UTY: variants seen among roughly 807,000 people sequenced by gnomAD.
UTY encodes the protein ubiquitously transcribed tetratricopeptide repeat containing, Y-linked.
In UTY, 12 loss-of-function variants were observed where a neutral mutation model predicts 32.5. The observed-to-expected ratio is 0.37, with a 90% CI of 0.24 to 0.60. The LOEUF (loss-of-function observed/expected upper bound fraction) is 0.60. Ranked by LOEUF, UTY falls within the 20% of genes least tolerant of loss-of-function variation. The probability of loss-of-function intolerance (pLI) is 0.69; values close to 1 mark genes in which losing one functional copy is unlikely to be tolerated. For synonymous variants in UTY, 131 were observed against 103.4 expected (o/e 1.27, Z -1.62); for missense variants, 303 against 299.2 (o/e 1.01, Z -0.09).
intron 28 of UTY, among the ~76,000 whole-genome samples, chrY:13,254,546 T>G: frequency 3.1e-5 from 1 of 32,771 alleles, no homozygotes; most frequent in Non-Finnish European, 7.5e-5. Context: ...GGCCATTCCC[T>G]TACCCCCATA....
At chrY:13,400,475 C>T (rs2068838501) in intron 6 of UTY, among the ~76,000 whole-genome samples, 20 of 33,132 alleles carry the variant, frequency 6.0e-4, no homozygotes, top group Non-Finnish European at 1.2e-3. Flanking sequence ...AAACTAACTT[C>T]CTTTCTATGG....
At chrY:13,272,388 T>C (rs2056363880) in intron 27 of UTY, among the ~76,000 whole-genome samples, 1 of 33,755 alleles carries the variant, frequency 3.0e-5, no homozygotes, top group Non-Finnish European at 7.3e-5. Flanking sequence ...GCTAGAATTA[T>C]AGAAGTTTAG....
chrY:13,244,114 T>A (rs1008169476), downstream of UTY, among the ~76,000 whole-genome samples: 3 of 32,625 alleles, frequency 9.2e-5, no homozygotes, highest in South Asian at 2.1e-3. Flanking sequence ...GGCCCAAGTA[T>A]ATTATGTTAA....
intron 3 of UTY, among the ~76,000 whole-genome samples, chrY:13,467,627 G>C: frequency 3.1e-5 from 1 of 31,923 alleles, no homozygotes; most frequent in Non-Finnish European, 7.6e-5. Flanking sequence ...AAATTAGCTG[G>C]GAGTGGTGGC....
At chrY:13,471,651 C>T (rs2078505672) in intron 2 of UTY, among the ~76,000 whole-genome samples, 2 of 32,560 alleles carry the variant, frequency 6.1e-5, no homozygotes, top group African/African-American at 1.2e-4. Context: ...GGTGAAACCC[C>T]GTGCCTACTA....
Position 13,411,056 on chromosome Y carries a change from C to T in UTY, c.492G>A (p.Lys164=). Residue 164 remains lysine (K), a synonymous_variant, in exon 6 of 30, where the codon AAG becomes AAA. Transcript: ENST00000545955. ...LYVDPSFCRA[K]EIHLRLGLMF... ...TGAGCCCAAGTCGTAAATGAATTTC[C>T]TTGGCTCGACAAAAGCTGGGGTCAA... 1.0e-5 allele frequency: 4 copies of T among 397,807 alleles called. No homozygotes were observed. Among genetic ancestry groups the T allele is most frequent in the Non-Finnish European group, 1.4e-5 (4 of 282,951 alleles).
At chrY:13,416,223 T>C in intron 4 of UTY, among the ~76,000 whole-genome samples, 1 of 34,493 alleles carries the variant, frequency 2.9e-5, no homozygotes, top group East Asian at 7.6e-4. Flanking sequence ...TTTTATAACC[T>C]GACATGATTT....
intron 27 of UTY, among the ~76,000 whole-genome samples, chrY:13,283,119 G>A (rs781079728): frequency 2.0e-4 from 7 of 34,569 alleles, no homozygotes; most frequent in African/African-American, 7.9e-4. Flanking sequence ...TAGCACTTTT[G>A]TTCCGGTTTT....
intron 4 of UTY, among the ~76,000 whole-genome samples, chrY:13,447,914 G>A: frequency 3.0e-5 from 1 of 33,716 alleles, no homozygotes; most frequent in Admixed American, 2.7e-4. Flanking sequence ...TAACAACACT[G>A]AATAGCAACG....
intron 6 of UTY, among the ~76,000 whole-genome samples, chrY:13,404,156 A>G (rs2069521658): frequency 3.0e-5 from 1 of 33,195 alleles, no homozygotes; most frequent in Non-Finnish European, 7.4e-5. Context: ...ATATTAAAGT[A>G]AATAATTATG....
chrY:13,333,653 A>G (rs2060844210), intron 18 of UTY, among the ~76,000 whole-genome samples: 1 of 34,246 alleles, frequency 2.9e-5, no homozygotes. Flanking sequence ...CTTTCAGGAC[A>G]CAGGCATGGG....
rs770344913 is a variant in UTY at position 13,479,315 on chromosome Y, C to T, written c.155G>A (p.Arg52His). The change falls in exon 2 of 30, where the codon CGT becomes CAT. Residue 52 changes from arginine (R) to histidine (H), a missense_variant and splice_region_variant. Transcript: ENST00000545955. ...ATGAAGCCTCACGAACCCGAAGAGA[C>T]GGCTGTAGAGAGAGAGACACAGAGC... is the stretch of plus-strand genomic sequence containing the variant. The part of the protein sequence containing the change: ...EREALGGMDS[R>H]LFGFVRLHED... 2.5e-6 allele frequency: 1 copy of T among 397,968 alleles called. No homozygotes were observed. The highest frequency in any genetic ancestry group is 3.5e-6 in the Non-Finnish European group (1 of 283,121).
chrY:13,328,305 CTGT>C (rs1475173792), intron 18 of UTY, among the ~76,000 whole-genome samples: 13 of 33,650 alleles, frequency 3.9e-4, no homozygotes, highest in Non-Finnish European at 9.6e-4. Flanking sequence ...CTGTAGAATT[CTGT>C]TGTTGTAATT....
chrY:13,394,381 T>C (rs2067909168), intron 7 of UTY, among the ~76,000 whole-genome samples: 1 of 33,690 alleles, frequency 3.0e-5, no homozygotes, highest in Non-Finnish European at 7.4e-5. Context: ...ATAGATCAAA[T>C]ACTAGTAACA....
chrY:13,355,243 A>C lies in UTY; in HGVS notation c.1821T>G (p.Ala607=). Residue 607 remains alanine, a synonymous_variant, in exon 17 of 30, where the codon GCT becomes GCG. Coordinates refer to ENST00000545955, the MANE Select transcript of UTY (RefSeq NM_001258249.2). ...CACTGGACAAAAGTTTTTCAACACA[A>C]GCAGGGCGAACTCCAGGCTGAGAGA... The part of the protein sequence containing the change: ...SSVSQPGVRP[A]CVEKLLSSGA... 1.8e-5 allele frequency: 7 copies of C among 394,761 alleles called. No homozygotes were observed. Among genetic ancestry groups the C allele is most frequent in the Non-Finnish European group, 2.5e-5 (7 of 281,994 alleles).
intron 21 of UTY, among the ~76,000 whole-genome samples, chrY:13,307,112 A>C (rs953656809): frequency 3.0e-5 from 1 of 33,057 alleles, no homozygotes; most frequent in African/African-American, 1.2e-4. Flanking sequence ...AAGATCCTCT[A>C]TCTCTGATTA....
chrY:13,465,437 G>A, intron 3 of UTY, among the ~76,000 whole-genome samples: 1 of 34,227 alleles, frequency 2.9e-5, no homozygotes. Context: ...CAACAATGTT[G>A]TGATCAAAGG....
At chrY:13,326,460 C>T in intron 18 of UTY, 110 bp from the exon 19 acceptor site, 1 of 204,129 alleles carries the variant, frequency 4.9e-6, no homozygotes. Flanking sequence ...AAAATACAAA[C>T]AGTGTAAGAT....
intron 17 of UTY, among the ~76,000 whole-genome samples, chrY:13,342,495 C>T (rs2061561855): frequency 2.9e-5 from 1 of 33,929 alleles, no homozygotes; most frequent in African/African-American, 1.2e-4. Context: ...ATGAATTCTT[C>T]TGCATCTGAC....
Sources: allele counts gnomAD v4.1 joint callset (sites outside exome capture counted in the v4.1 genomes callset), GRCh38; gene constraint gnomAD v4.1.1; transcripts MANE v1.5; gene names NCBI Gene and HGNC (gene_info 2026-07-23, HGNC 2026-07-21).